ZNF69: variants seen among roughly 807,000 people sequenced by gnomAD.
ZNF69 encodes the protein ZNF3.
A neutral mutation model predicts 50.9 loss-of-function variants in ZNF69; 47 were observed. The ratio of observed to expected loss-of-function variants is 0.92; its 90% CI spans 0.73 to 1.18. ZNF69 has a LOEUF of 1.18. ZNF69 is among the 50% of genes most tolerant of loss of function. The pLI, the probability that ZNF69 is intolerant of heterozygous loss-of-function variation, is 0.00. For missense variants in ZNF69, 717 were observed against 675.1 expected (o/e 1.06, Z -0.69); for synonymous variants, 216 against 223.1 (o/e 0.97, Z 0.29).
At chr19:11,891,939 G>A (rs929705832) in intron 1 of ZNF69, among the ~76,000 whole-genome samples, 1 of 152,090 alleles carries the variant, frequency 6.6e-6, no homozygotes, top group Non-Finnish European at 1.5e-5. Flanking sequence ...TAATAGGATT[G>A]CATTTTCCAT....
chr19:11,929,337 T>G, the ZNF69 span, among the ~76,000 whole-genome samples: 1 of 148,162 alleles, frequency 6.7e-6, no homozygotes, highest in African/African-American at 2.6e-5. Flanking sequence ...CTGATTTTTG[T>G]ATTTTTAGTA....
chr19:11,977,477 T>C, the ZNF69 span: 1 of 1,592,318 alleles, frequency 6.3e-7, no homozygotes, highest in East Asian at 2.2e-5. Flanking sequence ...ATGATTTTAG[T>C]ATATGATAAT....
chr19:11,946,170 A>T, the ZNF69 span, among the ~76,000 whole-genome samples: 1 of 151,948 alleles, frequency 6.6e-6, no homozygotes, highest in Non-Finnish European at 1.5e-5. Flanking sequence ...GCTTGGAGCC[A>T]TTTTGTTTCT....
chr19:11,978,969 T>A, the ZNF69 span: 1 of 1,614,230 alleles, frequency 6.2e-7, no homozygotes, highest in Non-Finnish European at 8.5e-7. Context: ...TAGAAAAGCA[T>A]TCACGTATCC....
chr19:11,943,150 A>T, the ZNF69 span, among the ~76,000 whole-genome samples: 3 of 152,336 alleles, frequency 2.0e-5, no homozygotes, highest in African/African-American at 7.2e-5. Flanking sequence ...AAATCCTCCT[A>T]GTGCTGGAAA....
chr19:11,900,818 T>C (rs1014976980), intron 1 of ZNF69, among the ~76,000 whole-genome samples: 4 of 152,224 alleles, frequency 2.6e-5, no homozygotes, highest in African/African-American at 9.6e-5. Context: ...AACATTTTTG[T>C]TTTGAATGAA....
the ZNF69 span, chr19:11,978,807 T>C: frequency 6.2e-7 from 1 of 1,614,170 alleles, no homozygotes; most frequent in Non-Finnish European, 8.5e-7. Flanking sequence ...ATCCTTCAGT[T>C]GGTGTCATTC....
downstream of ZNF69, among the ~76,000 whole-genome samples, chr19:11,909,504 C>T (rs1599362661): frequency 6.6e-6 from 1 of 152,176 alleles, no homozygotes; most frequent in East Asian, 1.9e-4. Flanking sequence ...GGATGCAAGG[C>T]TGATTCAACA....
At chr19:11,965,246 T>C in the ZNF69 span, 14 of 1,613,230 alleles carry the variant, frequency 8.7e-6, 1 homozygote, top group Middle Eastern at 5.0e-4. Flanking sequence ...CGAGACGGGG[T>C]AGAGGCTGCC....
At chr19:11,946,246 C>T in the ZNF69 span, among the ~76,000 whole-genome samples, 1 of 152,112 alleles carries the variant, frequency 6.6e-6, no homozygotes, top group African/African-American at 2.4e-5. Flanking sequence ...GGAGGGGTTT[C>T]TCCCGCAGCT....
At chr19:11,924,204 G>C in the ZNF69 span, among the ~76,000 whole-genome samples, 1 of 151,852 alleles carries the variant, frequency 6.6e-6, no homozygotes, top group Non-Finnish European at 1.5e-5. Context: ...GGGCCGAGGC[G>C]GGCGGATCAA....
the ZNF69 span, among the ~76,000 whole-genome samples, chr19:11,937,652 C>T: frequency 6.6e-6 from 1 of 151,752 alleles, no homozygotes; most frequent in Non-Finnish European, 1.5e-5. Context: ...CCACGCTTGG[C>T]TAATTTTTTG....
At position 11,905,080 on chromosome 19, in the gene ZNF69, C is replaced by CCTT; in HGVS notation, c.685_687dup (p.Phe229dup). 1 of 1,614,156 alleles carries CCTT rather than the reference C, an allele frequency of 6.2e-7. No individual in the cohort carries two copies. Among genetic ancestry groups the CCTT allele is most frequent in the South Asian group, 1.1e-5 (1 of 91,078 alleles). ...TATAAATGTAAATTTTGTGGGAAAGCCTTCCATTGTCTCAGTTTATATCTT... is the reference window on the plus strand; with the variant it reads ...TATAAATGTAAATTTTGTGGGAAAGCCTTCTTCCATTGTCTCAGTTTATATCTT... On this transcript the variant is annotated inframe_insertion, in exon 4 of 4. Coordinates refer to ENST00000429654, the MANE Select transcript of ZNF69 (RefSeq NM_001364730.1).
At chr19:11,964,828 CA>C in the ZNF69 span, among the ~76,000 whole-genome samples, 1 of 152,204 alleles carries the variant, frequency 6.6e-6, no homozygotes, top group Non-Finnish European at 1.5e-5. Flanking sequence ...GGCTGAAATG[CA>C]AATATCCAAT....
the ZNF69 span, among the ~76,000 whole-genome samples, chr19:11,929,695 C>G: frequency 2.0e-5 from 3 of 148,114 alleles, 1 homozygote; most frequent in African/African-American, 5.3e-5. Context: ...TCCAGGGCAA[C>G]TGGTTCCCCC....
downstream of ZNF69, among the ~76,000 whole-genome samples, chr19:11,915,151 T>G (rs893778977): frequency 5.4e-4 from 82 of 152,172 alleles, no homozygotes; most frequent in African/African-American, 1.9e-3. Flanking sequence ...TACAGTGAAC[T>G]GAGATCACAC....
the ZNF69 span, chr19:11,947,040 G>A: frequency 7.4e-7 from 1 of 1,347,540 alleles, no homozygotes; most frequent in Non-Finnish European, 1.0e-6. Context: ...AAGTATAGAT[G>A]GAGAGAAAGG....
At chr19:11,929,137 A>G in the ZNF69 span, among the ~76,000 whole-genome samples, 14 of 148,318 alleles carry the variant, frequency 9.4e-5, 2 homozygotes, top group African/African-American at 3.7e-4. Context: ...TTAAAGATCT[A>G]CCAGCTTAAA....
chr19:11,976,741 C>T, the ZNF69 span: 131 of 482,000 alleles, frequency 2.7e-4, 1 homozygote, highest in East Asian at 9.0e-3. Flanking sequence ...TGGCGCATGC[C>T]TGTAATCCCA....
Sources: gnomAD v4.1 joint callset for allele counts (sites outside exome capture counted in the v4.1 genomes callset) on GRCh38, gnomAD v4.1.1 for gene constraint, MANE v1.5 for transcripts, NCBI Gene and HGNC (gene_info 2026-07-23, HGNC 2026-07-21) for gene names.